The following PALM2AKAP2 variants were observed in gnomAD, a reference collection of about 807,000 sequenced individuals.
PALM2AKAP2 encodes the protein PALM2-AKAP2 fusion protein.
Under a neutral mutation model 71.5 loss-of-function variants are expected in PALM2AKAP2, and 37 were observed. That is an observed-to-expected ratio of 0.52 (90% CI 0.40 to 0.68). The LOEUF (loss-of-function observed/expected upper bound fraction) is 0.68, where lower values mean the gene tolerates loss of function less well. PALM2AKAP2 is among the 30% of genes least tolerant of loss of function. The probability of loss-of-function intolerance (pLI) is 0.00; values close to 1 mark genes in which losing one functional copy is unlikely to be tolerated. For missense variants in PALM2AKAP2, 1,224 were observed against 1,191.8 expected (o/e 1.03, Z -0.40); for synonymous variants, 468 against 478.8 (o/e 0.98, Z 0.29).
intron 3 of PALM2AKAP2, among the ~76,000 whole-genome samples, chr9:109,892,593 T>C (rs1830112301): frequency 6.6e-6 from 1 of 152,172 alleles, no homozygotes; most frequent in Non-Finnish European, 1.5e-5. Context: ...CAGCCTTAGT[T>C]TATCCATAAG....
intron 1 of PALM2AKAP2, among the ~76,000 whole-genome samples, chr9:109,682,026 A>G (rs1417186371): frequency 6.6e-6 from 1 of 152,210 alleles, no homozygotes; most frequent in Non-Finnish European, 1.5e-5. Flanking sequence ...GTTAAGCATC[A>G]TAGTAGTGGT....
chr9:109,904,628 A>C (rs1272310841), intron 3 of PALM2AKAP2, among the ~76,000 whole-genome samples: 1 of 152,184 alleles, frequency 6.6e-6, no homozygotes, highest in Non-Finnish European at 1.5e-5. Context: ...ATTCTCCCTT[A>C]GTCTCAGGAT....
chr9:109,981,127 G>A (rs1409732695), intron 6 of PALM2AKAP2, among the ~76,000 whole-genome samples: 1 of 152,220 alleles, frequency 6.6e-6, no homozygotes, highest in African/African-American at 2.4e-5. Context: ...TGAGGAAATG[G>A]AGGATAGATT....
chr9:109,802,217 T>C (rs1174553817), intron 1 of PALM2AKAP2, among the ~76,000 whole-genome samples: 1 of 152,210 alleles, frequency 6.6e-6, no homozygotes, highest in Non-Finnish European at 1.5e-5. Context: ...GTTAAAATAA[T>C]GCTGTATAAC....
chr9:110,144,321 C>T (rs1242668708), intron 2 of PALM2AKAP2, among the ~76,000 whole-genome samples: 2 of 152,222 alleles, frequency 1.3e-5, no homozygotes, highest in African/African-American at 4.8e-5. Flanking sequence ...CTAGCTAAAG[C>T]TTATTGTGGA....
chr9:109,758,193 G>A (rs190753418), intron 1 of PALM2AKAP2, among the ~76,000 whole-genome samples: 1 of 152,202 alleles, frequency 6.6e-6, no homozygotes, highest in Non-Finnish European at 1.5e-5. Context: ...ATCAGTGCAT[G>A]AAGAGTTTTT....
chr9:110,151,950 G>A (rs376672831), intron 2 of PALM2AKAP2, among the ~76,000 whole-genome samples: 21 of 152,258 alleles, frequency 1.4e-4, no homozygotes, highest in African/African-American at 4.3e-4. Context: ...CAAGAGAGCC[G>A]TTCTGGCCGG....
At chr9:109,654,704 C>T (rs1320844314) in intron 1 of PALM2AKAP2, among the ~76,000 whole-genome samples, 1 of 151,528 alleles carries the variant, frequency 6.6e-6, no homozygotes, top group Non-Finnish European at 1.5e-5. Flanking sequence ...GAGGAGTGTT[C>T]TACCCTGGAA....
intron 1 of PALM2AKAP2, among the ~76,000 whole-genome samples, chr9:109,734,187 T>C (rs956674788): frequency 6.6e-6 from 1 of 152,202 alleles, no homozygotes; most frequent in Non-Finnish European, 1.5e-5. Context: ...CCATTTTAGA[T>C]CAATAATCCT....
chr9:110,135,497 G>C (rs1415467536), intron 1 of PALM2AKAP2, among the ~76,000 whole-genome samples: 1 of 151,812 alleles, frequency 6.6e-6, no homozygotes, highest in East Asian at 1.9e-4. Flanking sequence ...GTTTTTCAAA[G>C]CAGTGCTGAC....
At position 109,925,209 on chromosome 9, in the gene PALM2AKAP2, G is replaced by A. The variant is rs760930759; in HGVS notation, c.394+127G>A. Reference sequence around the variant, plus strand: ...TAAAGGCATCAGAAGAAGTAGCAGCGCTGGTTGCAGGCCACTGAGGAGGTC... The same window carrying A: ...TAAAGGCATCAGAAGAAGTAGCAGCACTGGTTGCAGGCCACTGAGGAGGTC... On this transcript the variant is annotated intron_variant, in intron 5 of 9. Coordinates refer to the PALM2AKAP2 transcript ENST00000302798. The A allele has an allele frequency of 4.7e-5, 68 of 1,444,804 alleles. 1 individual carries two copies. The Middle Eastern group carries it at 8.7e-4, about 19-fold the overall frequency. 89.5% of individuals were successfully genotyped at this position (1,444,804 alleles called of 1,614,324 possible). A position where few individuals can be genotyped will look rare whatever the true frequency, so the allele number is the denominator to read the frequency against.
intron 1 of PALM2AKAP2, among the ~76,000 whole-genome samples, chr9:110,051,682 T>G (rs964101093): frequency 3.3e-5 from 5 of 152,154 alleles, no homozygotes; most frequent in Non-Finnish European, 7.3e-5. Context: ...GATAGACTGT[T>G]TAGTTCCAGT....
intron 6 of PALM2AKAP2, among the ~76,000 whole-genome samples, chr9:109,961,739 G>A (rs184999334): frequency 3.3e-5 from 5 of 152,300 alleles, no homozygotes; most frequent in African/African-American, 1.2e-4. Context: ...CTGAGGGCAC[G>A]GCAAGACTCC....
At chr9:110,168,449 C>T (rs760404156) in exon 4 of PALM2AKAP2, 1 of 1,614,152 alleles carries the variant, frequency 6.2e-7, no homozygotes, top group Non-Finnish European at 8.5e-7. Context: ...TGGCTTTGCG[C>T]TGGGAAGCAG....
chr9:109,969,469 A>C (rs180897875), intron 6 of PALM2AKAP2, among the ~76,000 whole-genome samples: 3 of 152,244 alleles, frequency 2.0e-5, no homozygotes, highest in Admixed American at 2.0e-4. Flanking sequence ...TTTTCTTTAA[A>C]TCAAGTGATA....
intron 6 of PALM2AKAP2, among the ~76,000 whole-genome samples, chr9:110,008,192 G>T (rs1832818422): frequency 6.6e-6 from 1 of 152,132 alleles, no homozygotes; most frequent in Admixed American, 6.5e-5. Context: ...AGTTTCTACG[G>T]CTAGCCCTGG....
intron 1 of PALM2AKAP2, among the ~76,000 whole-genome samples, chr9:109,856,129 A>G (rs139664481): frequency 7.2e-5 from 11 of 152,280 alleles, no homozygotes; most frequent in African/African-American, 1.7e-4. Context: ...TTGGAGAGCA[A>G]TTTGTCCCTA....
chr9:110,059,192 G>A (rs1475616483), intron 1 of PALM2AKAP2, among the ~76,000 whole-genome samples: 5 of 152,116 alleles, frequency 3.3e-5, no homozygotes, highest in Non-Finnish European at 5.9e-5. Flanking sequence ...GAGCCACCGC[G>A]CCCAGCCGAT....
intron 1 of PALM2AKAP2, among the ~76,000 whole-genome samples, chr9:109,762,142 A>T (rs531423925): frequency 6.7e-6 from 1 of 149,790 alleles, no homozygotes; most frequent in Non-Finnish European, 1.5e-5. Context: ...TTCCTCAAGG[A>T]TCTAGAAGGA....
Sources: gnomAD v4.1 joint callset for allele counts (sites outside exome capture counted in the v4.1 genomes callset) on GRCh38, gnomAD v4.1.1 for gene constraint, MANE v1.5 for transcripts, NCBI Gene and HGNC (gene_info 2026-07-23, HGNC 2026-07-21) for gene names.